IGSF11: variants seen among roughly 807,000 people sequenced by gnomAD.
IGSF11 encodes immunoglobulin superfamily member 11.
A neutral mutation model predicts 41.0 loss-of-function variants in IGSF11; 22 were observed. The observed-to-expected ratio is 0.54, with a 90% CI of 0.38 to 0.77. The LOEUF (loss-of-function observed/expected upper bound fraction) is 0.77. IGSF11 is among the 30% of genes least tolerant of loss of function. IGSF11 has a pLI of 0.00. For synonymous variants in IGSF11, 219 were observed against 201.3 expected, an observed-to-expected ratio of 1.09 and a Z score of -0.74; for missense variants, 444 against 530.8, an observed-to-expected ratio of 0.84 and a Z score of 1.61.
At chr3:119,139,929 G>A (rs1454715568) in intron 1 of IGSF11, among the ~76,000 whole-genome samples, 1 of 152,054 alleles carries the variant, frequency 6.6e-6, no homozygotes, top group African/African-American at 2.4e-5. Flanking sequence ...AGTTACGTTA[G>A]TATAAATCCA....
chr3:118,975,910 AG>A (rs1934044286), intron 1 of IGSF11, among the ~76,000 whole-genome samples: 1 of 152,076 alleles, frequency 6.6e-6, no homozygotes, highest in African/African-American at 2.4e-5. Flanking sequence ...CTACCTATTG[AG>A]TACTATGCTC....
intron 1 of IGSF11, among the ~76,000 whole-genome samples, chr3:119,042,395 C>A (rs1428523731): frequency 6.6e-6 from 1 of 152,208 alleles, no homozygotes. Flanking sequence ...GCCCTGATTG[C>A]AGGCTGACTG....
chr3:119,050,182 C>G (rs954287520), intron 1 of IGSF11, among the ~76,000 whole-genome samples: 2 of 151,594 alleles, frequency 1.3e-5, no homozygotes, highest in African/African-American at 4.8e-5. Context: ...TTCTGCACAG[C>G]AAAAGAAGCT....
intron 1 of IGSF11, among the ~76,000 whole-genome samples, chr3:119,046,986 C>A (rs1941383168): frequency 7.0e-6 from 1 of 142,202 alleles, no homozygotes; most frequent in East Asian, 2.0e-4. Flanking sequence ...TAAAAGAGCT[C>A]CCGAAGGAAG....
intron 1 of IGSF11, among the ~76,000 whole-genome samples, chr3:118,949,042 A>G (rs1471423792): frequency 6.6e-6 from 1 of 151,912 alleles, no homozygotes; most frequent in Non-Finnish European, 1.5e-5. Context: ...ATGATAACGA[A>G]GGCAAAGACA....
intron 1 of IGSF11, among the ~76,000 whole-genome samples, chr3:119,070,912 A>C (rs960274880): frequency 3.3e-5 from 5 of 152,226 alleles, no homozygotes; most frequent in Admixed American, 2.6e-4. Flanking sequence ...CATGTGCAAT[A>C]CAGAATCACA....
intron 1 of IGSF11, among the ~76,000 whole-genome samples, chr3:119,102,989 C>T (rs2076961325): frequency 1.5e-5 from 2 of 135,512 alleles, no homozygotes; most frequent in African/African-American, 5.2e-5. Flanking sequence ...TTAATTCATA[C>T]TTGGCCAATT....
intron 1 of IGSF11, among the ~76,000 whole-genome samples, chr3:119,098,034 AG>A (rs1416451350): frequency 7.3e-6 from 1 of 136,896 alleles, no homozygotes; most frequent in East Asian, 2.1e-4. Context: ...TCCTGAGCTC[AG>A]GCAATCCTCA....
chr3:118,970,219 T>G (rs1279315412), intron 1 of IGSF11, among the ~76,000 whole-genome samples: 6 of 152,194 alleles, frequency 3.9e-5, no homozygotes, highest in Admixed American at 1.3e-4. Context: ...AGTCAAGAAT[T>G]CAACTCTTCT....
At chr3:119,064,511 CTTT>C (rs779910295) in intron 1 of IGSF11, among the ~76,000 whole-genome samples, 3 of 101,382 alleles carry the variant, frequency 3.0e-5, no homozygotes, top group East Asian at 3.2e-4. Flanking sequence ...CTTGGCTGCT[CTTT>C]TTTTTTTTTT....
chr3:118,982,209 A>G (rs1413666385), intron 1 of IGSF11, among the ~76,000 whole-genome samples: 1 of 152,170 alleles, frequency 6.6e-6, no homozygotes, highest in Admixed American at 6.5e-5. Flanking sequence ...GTAAGCATCT[A>G]AGGCCATCTC....
chr3:119,134,955 A>T (rs2077539456), intron 1 of IGSF11, among the ~76,000 whole-genome samples: 1 of 152,238 alleles, frequency 6.6e-6, no homozygotes, highest in Non-Finnish European at 1.5e-5. Flanking sequence ...AAAAACAAGA[A>T]ATGGGGAAAT....
At chr3:119,121,839 A>C (rs1031194339) in intron 1 of IGSF11, among the ~76,000 whole-genome samples, 1 of 152,190 alleles carries the variant, frequency 6.6e-6, no homozygotes. Flanking sequence ...ATGTACAAGG[A>C]ATCCTCAACA....
Position 118,902,620 on chromosome 3 carries a change from G to A in IGSF11, c.1196C>T (p.Pro399Leu). ...NGSVSRKPRP[P>L]HTHSYTISHA... ...GCTGATGGTGTAGGAATGAGTGTGTGGAGGCCGAGGCTTCCTACTGACTGA... is the reference window on the plus strand; with the variant it reads ...GCTGATGGTGTAGGAATGAGTGTGTAGAGGCCGAGGCTTCCTACTGACTGA... Residue 399 changes from proline to leucine, a missense_variant, in exon 7 of 7, where the codon CCA becomes CTA. Physicochemically the swap from Pro to Leu is moderately conservative, Grantham distance 98. Around this residue, in one of 3 missense-constraint regions of IGSF11, gnomAD observed 223 missense variants for 226.2 expected, o/e 0.99. Coordinates refer to ENST00000393775, the MANE Select transcript of IGSF11 (RefSeq NM_001015887.3). The A allele has an allele frequency of 6.2e-7, 1 of 1,614,108 alleles. No homozygotes were observed. Among genetic ancestry groups the A allele is most frequent in the Non-Finnish European group, 8.5e-7 (1 of 1,179,974 alleles).
intron 1 of IGSF11, among the ~76,000 whole-genome samples, chr3:119,113,751 G>A (rs2077217769): frequency 1.3e-5 from 2 of 152,248 alleles, no homozygotes; most frequent in Non-Finnish European, 2.9e-5. Context: ...TGGGGACTCT[G>A]TGTGAGGTCT....
intron 1 of IGSF11, among the ~76,000 whole-genome samples, chr3:118,974,124 A>T (rs1933786495): frequency 6.6e-6 from 1 of 152,158 alleles, no homozygotes. Context: ...TAATTAAAAA[A>T]AAAAAGAAAA....
intron 1 of IGSF11, among the ~76,000 whole-genome samples, chr3:119,045,913 A>G (rs572496633): frequency 3.7e-4 from 57 of 152,118 alleles, no homozygotes; most frequent in South Asian, 3.1e-3. Flanking sequence ...GGGTACTCCA[A>G]CAGACCTGCA....
At chr3:118,953,424 G>A (rs1944721568) in intron 1 of IGSF11, among the ~76,000 whole-genome samples, 1 of 152,162 alleles carries the variant, frequency 6.6e-6, no homozygotes, top group South Asian at 2.1e-4. Flanking sequence ...CAGTAGGATT[G>A]CTGGATCAAA....
intron 1 of IGSF11, among the ~76,000 whole-genome samples, chr3:118,991,036 T>C (rs1935745991): frequency 6.6e-6 from 1 of 152,138 alleles, no homozygotes; most frequent in Non-Finnish European, 1.5e-5. Context: ...AAATCCAATA[T>C]AAATTCCACA....
Sources: allele counts gnomAD v4.1 joint callset (sites outside exome capture counted in the v4.1 genomes callset), GRCh38; gene constraint gnomAD v4.1.1; regional missense constraint gnomAD v4.1.1; transcripts MANE v1.5; gene names NCBI Gene and HGNC (gene_info 2026-07-23, HGNC 2026-07-21).